The following KCNH6 variants were observed in gnomAD, a reference collection of about 807,000 sequenced individuals.
KCNH6 encodes potassium voltage-gated channel subfamily H member 6, also known as voltage-gated inwardly rectifying potassium channel KCNH6.
KCNH6 carries 81 observed loss-of-function variants against 83.4 expected under a neutral mutation model. The observed-to-expected ratio is 0.97, with a 90% CI of 0.81 to 1.17. The LOEUF (loss-of-function observed/expected upper bound fraction) is 1.17, where lower values mean the gene tolerates loss of function less well. Among genes scored for constraint, KCNH6 ranks in the 50% most tolerant of loss-of-function variants. The pLI is 0.00. For missense variants in KCNH6, 1,203 were observed against 1,290.5 expected (o/e 0.93, Z 1.04); for synonymous variants, 503 against 545.6 (o/e 0.92, Z 1.09).
chr17:63,536,280 C>T, intron 6 of KCNH6: 1 of 574,822 alleles, frequency 1.7e-6, no homozygotes, highest in Non-Finnish European at 3.1e-6. Context: ...ATCTGCCAGG[C>T]ACCAAGACAG....
At chr17:63,545,540 T>A in intron 12 of KCNH6, 69 bp from the exon 13 acceptor site, 1 of 1,503,748 alleles carries the variant, frequency 6.7e-7, no homozygotes, top group Non-Finnish European at 9.1e-7. Flanking sequence ...CCTGATCCCA[T>A]CCCTGAAATC....
intron 2 of KCNH6, among the ~76,000 whole-genome samples, chr17:63,527,537 G>A (rs1479616041): frequency 2.6e-5 from 4 of 152,176 alleles, no homozygotes; most frequent in Non-Finnish European, 5.9e-5. Context: ...TAAGAACCTA[G>A]CATATAAGAA....
At chr17:63,543,974 G>A in intron 10 of KCNH6, 1 of 1,181,478 alleles carries the variant, frequency 8.5e-7, no homozygotes, top group South Asian at 1.5e-5. Flanking sequence ...CAGCTCCCTG[G>A]GCAGTGAAAC....
intron 2 of KCNH6, among the ~76,000 whole-genome samples, chr17:63,529,574 C>G (rs2031944837): frequency 1.3e-5 from 2 of 152,218 alleles, no homozygotes; most frequent in African/African-American, 4.8e-5. Context: ...CATGCCTGCC[C>G]CCCAAGGACC....
At chr17:63,543,762 C>T in intron 10 of KCNH6, 102 bp downstream of exon 10, 1 of 762,258 alleles carries the variant, frequency 1.3e-6, no homozygotes, top group South Asian at 1.5e-5. Flanking sequence ...CCACCCCACT[C>T]CATGAGTGGA....
intron 9 of KCNH6, among the ~76,000 whole-genome samples, chr17:63,543,198 T>G (rs1300257464): frequency 2.0e-5 from 3 of 152,226 alleles, no homozygotes; most frequent in Non-Finnish European, 2.9e-5. Context: ...GTAGGCCCTG[T>G]GCCCAGCTTC....
At chr17:63,529,570 T>G (rs2031943974) in intron 2 of KCNH6, among the ~76,000 whole-genome samples, 2 of 152,214 alleles carry the variant, frequency 1.3e-5, no homozygotes, top group African/African-American at 4.8e-5. Flanking sequence ...GGTCCATGCC[T>G]GCCCCCCAAG....
chr17:63,541,170 C>T (rs1379044607), intron 8 of KCNH6, among the ~76,000 whole-genome samples: 2 of 152,178 alleles, frequency 1.3e-5, no homozygotes, highest in African/African-American at 4.8e-5. Flanking sequence ...GCCAGCACAG[C>T]ACCTGGCACC....
At chr17:63,548,109 C>CA (rs1055682961), downstream of KCNH6, among the ~76,000 whole-genome samples, 55 of 151,030 alleles carry the variant, frequency 3.6e-4, no homozygotes, top group Non-Finnish European at 6.6e-4. Flanking sequence ...ACTAAAAATA[C>CA]AAAAAAAATA....
At position 63,523,593 on chromosome 17, in the gene KCNH6, T is replaced by C. The variant is rs1460288971; in HGVS notation, c.76+104T>C. The C allele has an allele frequency of 1.0e-6, 1 of 998,188 alleles. No homozygotes were observed. The highest frequency in any genetic ancestry group is 1.4e-6 in the Non-Finnish European group (1 of 693,366). The allele number at this position is 998,188 out of a possible 1,614,324, so 61.8% of individuals were successfully genotyped here. A position where few individuals can be genotyped will look rare whatever the true frequency, so the allele number is the denominator to read the frequency against. ...ACTTCTAACCGGGCAAGGTGGTGAGTGCCGGGTGCTGAATGAAAAATCCTT... is the reference window on the plus strand; with the variant it reads ...ACTTCTAACCGGGCAAGGTGGTGAGCGCCGGGTGCTGAATGAAAAATCCTT... On this transcript the variant is annotated intron_variant, in intron 1 of 12. Coordinates refer to ENST00000314672, the MANE Select transcript of KCNH6 (RefSeq NM_001278919.2). This position sits in a 1 kb window ranked among gnomAD's most constrained non-coding sequence, Gnocchi z 4.2.
Position 63,534,264 on chromosome 17 carries a change from G to A in KCNH6, c.1054G>A (p.Ala352Thr), listed in dbSNP as rs139452323. Residue 352 changes from alanine to threonine, a missense_variant, in exon 5 of 13, where the codon GCC (alanine) becomes ACC (threonine). Transcript: ENST00000314672. This position sits in a 1 kb window ranked among gnomAD's most constrained non-coding sequence, Gnocchi z 5.0. ...FKGWFLIDMV[A>T]AIPFDLLIFR... ...GGGCTGGTTCCTCATTGACATGGTG[G>A]CCGCCATCCCTTTCGACCTCCTGAT... The A allele has an allele frequency of 7.4e-6, 12 of 1,614,094 alleles. No homozygotes were observed. In the African/African-American group the frequency reaches 1.5e-4, roughly 20 times the overall value.
In KCNH6 at chr17:63,530,140, C is replaced by CG. The variant is rs773900269; in HGVS notation, c.361dup (p.Ala121GlyfsTer85). On this transcript the variant is annotated frameshift_variant, in exon 3 of 13. Coordinates refer to ENST00000314672, the MANE Select transcript of KCNH6 (RefSeq NM_001278919.2). LOFTEE classifies it high-confidence loss of function. The stretch of plus-strand genomic sequence containing the variant: ...ATGTGGTGCCCGTGAAGAACGAGGA[C>CG]GGGGCTGTCATCATGTTCATTCTCA... The CG allele has an allele frequency of 1.4e-5, 23 of 1,614,020 alleles. No individual in the cohort carries two copies. The African/African-American group carries it at 2.4e-4, about 17-fold the overall frequency.
chr17:63,538,660 T>C lies in KCNH6; in HGVS notation c.1952T>C (p.Leu651Pro). 1 of 1,583,502 alleles carries C rather than the reference T, an allele frequency of 6.3e-7. No homozygotes were observed. The highest frequency in any genetic ancestry group is 8.6e-7 in the Non-Finnish European group (1 of 1,161,328). Residue 651 changes from leucine (L) to proline (P), a missense_variant and splice_region_variant, in exon 8 of 13, where the codon CTA (leucine) becomes CCA (proline). Physicochemically the swap from Leu to Pro is moderately conservative, Grantham distance 98. Coordinates refer to ENST00000314672, the MANE Select transcript of KCNH6 (RefSeq NM_001278919.2). The surrounding 1 kb of genome is among the most constrained non-coding windows in gnomAD (Gnocchi z 4.0). ...ILRDDVVVAI[L>P]GKNDIFGEPV... The stretch of plus-strand genomic sequence containing the variant: ...CGCGACGACGTGGTCGTGGCCATCC[T>C]AGGTGGGTCCGGCGGAGTGGACCAG...
Position 63,538,154 on chromosome 17 carries a change from C to T in KCNH6, c.1591C>T (p.Arg531Cys), listed in dbSNP as rs758665919. ...GTARYHTQML[R>C]VKEFIRFHQI... The stretch of plus-strand genomic sequence containing the variant: ...CGCGCGCTACCACACGCAGATGCTG[C>T]GTGTCAAGGAGTTCATCCGCTTCCA... The change falls in exon 7 of 13, where the codon CGT becomes TGT. Residue 531 changes from arginine to cysteine, a missense_variant. Arg to Cys is a radical substitution (Grantham distance 180). Coordinates refer to ENST00000314672, the MANE Select transcript of KCNH6 (RefSeq NM_001278919.2). This position sits in a 1 kb window ranked among gnomAD's most constrained non-coding sequence, Gnocchi z 4.0. The T allele has an allele frequency of 9.9e-6, 16 of 1,614,150 alleles. No homozygotes were observed. The South Asian group carries it at 1.6e-4, about 17-fold the overall frequency.
rs2032230416 is a variant in KCNH6, at chr17:63,533,091, A to T, written c.676-795A>T. 6.6e-6 allele frequency among the ~76,000 whole-genome samples: 1 copy of T among 151,516 alleles called. No individual in the cohort carries two copies. On this transcript the variant is annotated intron_variant, in intron 4 of 12. Transcript: ENST00000314672. This position sits in a 1 kb window ranked among gnomAD's most constrained non-coding sequence, Gnocchi z 4.1. ...CCGGGGAGGCCTGGCTTCAGTACCC[A>T]TGCCCTTCCTAATGCCCTGGCTGTC... is the stretch of plus-strand genomic sequence containing the variant.
chr17:63,547,485 G>C (rs182668743), downstream of KCNH6, among the ~76,000 whole-genome samples: 291 of 1,800 alleles, frequency 0.16, 2 homozygotes, highest in Non-Finnish European at 0.19. Flanking sequence ...AGCGATTTGA[G>C]AGCCACCACC....
chr17:63,545,152 C>G lies in KCNH6; in HGVS notation c.2471C>G (p.Ala824Gly). 6.2e-7 allele frequency: 1 copy of G among 1,613,816 alleles called. No homozygotes were observed. The highest frequency in any genetic ancestry group is 1.3e-5 in the African/African-American group (1 of 75,062). Residue 824 changes from alanine (A) to glycine (G), a missense_variant, in exon 12 of 13, where the codon GCC becomes GGC. Ala to Gly is a moderately conservative substitution (Grantham distance 60). Coordinates refer to ENST00000314672, the MANE Select transcript of KCNH6 (RefSeq NM_001278919.2). Reference protein sequence around the residue: ...LLQKPMPQGHASYILEAPASN... With the variant: ...LLQKPMPQGHGSYILEAPASN... ...CAGAAGCCCATGCCCCAGGGCCACG[C>G]CAGCTACATTCTGGAAGCCCCTGCC...
Position 63,530,491 on chromosome 17 carries a change from G to C in KCNH6, c.624G>C (p.Ala208=), listed in dbSNP as rs1293254072. ...CCACCACGGAGATTGAGATCATCGCGCCCCATAAGGTGGTGGAGCGGACAC... is the reference window on the plus strand; with the variant it reads ...CCACCACGGAGATTGAGATCATCGCCCCCCATAAGGTGGTGGAGCGGACAC... The part of the protein sequence containing the change: ...SSSTTEIEII[A]PHKVVERTQN... The change falls in exon 4 of 13, where the codon GCG becomes GCC. Residue 208 remains alanine, a synonymous_variant. Coordinates refer to ENST00000314672, the MANE Select transcript of KCNH6 (RefSeq NM_001278919.2). The C allele has an allele frequency of 3.1e-6, 5 of 1,614,182 alleles. No individual in the cohort carries two copies. Among genetic ancestry groups the C allele is most frequent in the Middle Eastern group, 1.6e-4 (1 of 6,062 alleles).
chr17:63,547,689 C>G (rs2033175684), downstream of KCNH6, among the ~76,000 whole-genome samples: 1 of 151,952 alleles, frequency 6.6e-6, no homozygotes, highest in Non-Finnish European at 1.5e-5. Context: ...CTCACTCATG[C>G]CTGTAATCCC....
Sources: gnomAD v4.1 joint callset for allele counts (sites outside exome capture counted in the v4.1 genomes callset) on GRCh38, gnomAD v4.1.1 for gene constraint, Gnocchi (gnomAD v3.1) non-coding constraint, MANE v1.5 for transcripts, NCBI Gene and HGNC (gene_info 2026-07-23, HGNC 2026-07-21) for gene names.